Variants in RAB1A observed in about 807,000 individuals in gnomAD.
The protein encoded by RAB1A is RAB1A, member RAS oncogene family, also known as ras-related protein Rab-1A.
RAB1A carries 2 observed loss-of-function variants against 26.0 expected under a neutral mutation model. That is an observed-to-expected ratio of 0.08 (90% CI 0.03 to 0.24). The LOEUF (loss-of-function observed/expected upper bound fraction) is 0.24. Ranked by LOEUF, RAB1A falls within the 10% of genes least tolerant of loss-of-function variation. RAB1A has a pLI of 1.00. For missense variants in RAB1A, 100 were observed against 247.0 expected, an observed-to-expected ratio of 0.40 and a Z score of 3.99; for synonymous variants, 84 against 84.9, an observed-to-expected ratio of 0.99 and a Z score of 0.06.
chr2:65,108,464 T>C (rs1382220182), intron 1 of RAB1A, among the ~76,000 whole-genome samples: 1 of 152,184 alleles, frequency 6.6e-6, no homozygotes, highest in Admixed American at 6.6e-5. Context: ...ATTACCTTTT[T>C]CAACCACTAC....
chr2:65,122,184 A>G (rs1051581991), intron 1 of RAB1A, among the ~76,000 whole-genome samples: 1 of 132,440 alleles, frequency 7.6e-6, no homozygotes, highest in African/African-American at 2.8e-5. Flanking sequence ...AAAAAAAAAA[A>G]AGCTGGTAAG....
chr2:65,118,573 G>A (rs1387556592), intron 1 of RAB1A, among the ~76,000 whole-genome samples: 1 of 152,090 alleles, frequency 6.6e-6, no homozygotes. Flanking sequence ...TGCCTCCCGG[G>A]TTCAAGCAGT....
chr2:65,123,228 T>G (rs1289969464), intron 1 of RAB1A, among the ~76,000 whole-genome samples: 1 of 147,752 alleles, frequency 6.8e-6, no homozygotes, highest in African/African-American at 2.5e-5. Context: ...TGGAGTGCAG[T>G]GGCGCGATCT....
At chr2:65,114,868 A>AT in intron 1 of RAB1A, among the ~76,000 whole-genome samples, 1 of 152,048 alleles carries the variant, frequency 6.6e-6, no homozygotes, top group Admixed American at 6.5e-5. Context: ...AAAAAACAAA[A>AT]AAAAAACCAG....
At chr2:65,117,852 T>C (rs557813977) in intron 1 of RAB1A, among the ~76,000 whole-genome samples, 4 of 151,558 alleles carry the variant, frequency 2.6e-5, no homozygotes, top group African/African-American at 9.7e-5. Flanking sequence ...ATTACAGGAG[T>C]GAGCCACCAC....
chr2:65,119,841 C>CA (rs1178958164), intron 1 of RAB1A, among the ~76,000 whole-genome samples: 2,582 of 36,512 alleles, frequency 0.071, 190 homozygotes, highest in South Asian at 0.11. Context: ...CCTGTCTCTA[C>CA]AAAAAAAAAA....
intron 1 of RAB1A, among the ~76,000 whole-genome samples, chr2:65,110,135 C>T (rs1045300514): frequency 1.3e-5 from 2 of 152,042 alleles, no homozygotes; most frequent in African/African-American, 4.8e-5. Flanking sequence ...ATGACAGCAC[C>T]TCATGTTAAA....
rs953545149 is a variant in RAB1A at position 65,129,974 on chromosome 2, C to G, written c.-59G>C. 1.3e-6 allele frequency: 2 copies of G among 1,543,636 alleles called. No homozygotes were observed. The highest frequency in any genetic ancestry group is 1.9e-5 in the Admixed American group (1 of 51,970). ...CTTGCTGCCGCAGCCGCCGCCCTGA[C>G]TCTCCGCGCCACGGGTAATCGAAAG... is the stretch of plus-strand genomic sequence containing the variant. On this transcript the variant is annotated 5_prime_UTR_variant, in exon 1 of 6. Coordinates refer to ENST00000409784, the MANE Select transcript of RAB1A (RefSeq NM_004161.5).
At position 65,091,418 on chromosome 2, in the gene RAB1A, A is replaced by G. The variant is rs181720585; in HGVS notation, c.193-340T>C. On this transcript the variant is annotated intron_variant, in intron 3 of 5. Coordinates refer to ENST00000409784, the MANE Select transcript of RAB1A (RefSeq NM_004161.5). ...AAGCCCTTGAACACAGAACTCTTCC[A>G]TGTAAGACAAACTCACTTGCTAGCA... is the stretch of plus-strand genomic sequence containing the variant. Among the ~76,000 whole-genome samples the G allele has an allele frequency of 2.0e-5, 3 of 152,322 alleles. No individual in the cohort carries two copies. In the East Asian group the frequency reaches 5.8e-4, roughly 29 times the overall value.
intron 2 of RAB1A, among the ~76,000 whole-genome samples, chr2:65,100,274 G>A (rs7576086): frequency 0.018 from 2,729 of 151,408 alleles, 89 homozygotes; most frequent in African/African-American, 0.062. Flanking sequence ...GGTGGCGGGC[G>A]CCTGTAATCC....
At chr2:65,113,729 G>T (rs1479047808) in intron 1 of RAB1A, among the ~76,000 whole-genome samples, 1 of 152,034 alleles carries the variant, frequency 6.6e-6, no homozygotes, top group Admixed American at 6.6e-5. Flanking sequence ...AAATAACACT[G>T]TTATGTGAAA....
chr2:65,093,481 C>T (rs1034849157), intron 3 of RAB1A, among the ~76,000 whole-genome samples: 3 of 151,928 alleles, frequency 2.0e-5, no homozygotes, highest in African/African-American at 7.3e-5. Flanking sequence ...GATGTCACAC[C>T]TGAACAGGAA....
chr2:65,119,561 AAAAAAAAAC>A (rs1256313539), intron 1 of RAB1A, among the ~76,000 whole-genome samples: 4 of 15,560 alleles, frequency 2.6e-4, no homozygotes, highest in African/African-American at 7.2e-4. Flanking sequence ...ACTCTGTCTC[AAAAAAAAAC>A]AAAAAAACAA....
intron 1 of RAB1A, among the ~76,000 whole-genome samples, chr2:65,124,622 A>G (rs1670054609): frequency 6.6e-6 from 1 of 151,674 alleles, no homozygotes; most frequent in African/African-American, 2.4e-5. Context: ...TAATTTTTCT[A>G]TGCTTAGTAG....
At chr2:65,121,968 G>A (rs765047164) in intron 1 of RAB1A, among the ~76,000 whole-genome samples, 13 of 151,942 alleles carry the variant, frequency 8.6e-5, no homozygotes, top group Non-Finnish European at 1.8e-4. Flanking sequence ...AGACCAGCCT[G>A]GCCAACATGG....
intron 1 of RAB1A, among the ~76,000 whole-genome samples, chr2:65,127,684 GCCATTGCACT>G (rs1670130036): frequency 6.6e-6 from 1 of 152,136 alleles, no homozygotes; most frequent in Admixed American, 6.5e-5. Context: ...GGAGATTTGC[GCCATTGCACT>G]CCAGCCTGGG....
chr2:65,095,347 C>A (rs1669258835), intron 3 of RAB1A, among the ~76,000 whole-genome samples: 1 of 151,368 alleles, frequency 6.6e-6, no homozygotes, highest in African/African-American at 2.4e-5. Context: ...GCCACTGCGC[C>A]CAGCCTTATT....
rs1277295083 is a variant in RAB1A at position 65,087,128 on chromosome 2, C to T, written c.*1365G>A. 1.3e-5 allele frequency: 2 copies of T among 152,180 alleles called. No homozygotes were observed. Among genetic ancestry groups the T allele is most frequent in the African/African-American group, 4.8e-5 (2 of 41,428 alleles). 9.4% of individuals were successfully genotyped at this position (152,180 alleles called of 1,614,324 possible). On this transcript the variant is annotated 3_prime_UTR_variant, in exon 6 of 6. Transcript: ENST00000409784. ...AGAATGTTTTGGCTGCTATTTCAACCTAAGGAAACAACGTTTGACCTCAGT... is the reference window on the plus strand; with the variant it reads ...AGAATGTTTTGGCTGCTATTTCAACTTAAGGAAACAACGTTTGACCTCAGT...
chr2:65,093,646 C>T (rs1206351390), intron 3 of RAB1A, among the ~76,000 whole-genome samples: 15 of 141,384 alleles, frequency 1.1e-4, no homozygotes, highest in African/African-American at 2.6e-4. Context: ...TTTTTTCAGA[C>T]GGAGTCTCGC....
Sources: allele counts gnomAD v4.1 joint callset (sites outside exome capture counted in the v4.1 genomes callset), GRCh38; gene constraint gnomAD v4.1.1; transcripts MANE v1.5; gene names NCBI Gene and HGNC (gene_info 2026-07-23, HGNC 2026-07-21).